The following CHM variants were observed in gnomAD, a reference collection of about 807,000 sequenced individuals.
CHM encodes the protein rab proteins geranylgeranyltransferase component A 1.
CHM carries 10 observed loss-of-function variants against 49.0 expected under a neutral mutation model. That is an observed-to-expected ratio of 0.20 (90% CI 0.13 to 0.35). The LOEUF is 0.35. Among genes scored for constraint, CHM ranks in the 10% least tolerant of loss-of-function variants. The probability of loss-of-function intolerance (pLI) is 1.00; values close to 1 mark genes in which losing one functional copy is unlikely to be tolerated. For synonymous variants in CHM, 184 were observed against 167.5 expected (o/e 1.10, Z -0.76); for missense variants, 455 against 478.4 (o/e 0.95, Z 0.46).
At chrX:86,031,523 G>A (rs1934044332) in intron 1 of CHM, among the ~76,000 whole-genome samples, 1 of 112,084 alleles carries the variant, frequency 8.9e-6, no homozygotes, top group Non-Finnish European at 1.9e-5. Flanking sequence ...TATAAAACTG[G>A]AGCTTTATGC....
chrX:85,900,193 A>C (rs1321205615), intron 11 of CHM, among the ~76,000 whole-genome samples: 1 of 111,895 alleles, frequency 8.9e-6, no homozygotes, highest in East Asian at 2.8e-4. Flanking sequence ...TTAAAAAAGA[A>C]GAAAGTCCTA....
chrX:85,919,104 A>G (rs1927630401), intron 8 of CHM, among the ~76,000 whole-genome samples: 1 of 112,296 alleles, frequency 8.9e-6, no homozygotes, highest in Non-Finnish European at 1.9e-5. Context: ...AAGCATATAC[A>G]CACAGAAAAA....
intron 1 of CHM, 64 bp downstream of exon 1, chrX:86,047,420 C>T (rs1316022076): frequency 9.4e-7 from 1 of 1,064,387 alleles, no homozygotes; most frequent in Non-Finnish European, 1.3e-6. Flanking sequence ...TCGCCACTGA[C>T]AGAAAAAACA....
At position 85,900,416 on chromosome X, in the gene CHM, A is replaced by G. The variant is rs752835064; in HGVS notation, c.1413+230T>C. ...ACAAACTTTCAGTTACACAAAAAGA[A>G]TAAGTTTTAGAGATCTAATGTACAG... On this transcript the variant is annotated intron_variant, in intron 11 of 14. Coordinates refer to ENST00000357749, the MANE Select transcript of CHM (RefSeq NM_000390.4). 9.9e-4 allele frequency among the ~76,000 whole-genome samples: 110 copies of G among 111,643 alleles called. 1 individual carries two copies. Among genetic ancestry groups the G allele is most frequent in the South Asian group, 1.5e-3 (4 of 2,676 alleles).
In CHM at chrX:85,862,193, G is replaced by C. The variant is rs1923388234; in HGVS notation, c.*2437C>G. The C allele has an allele frequency of 8.9e-6, 1 of 112,009 alleles. No homozygotes were observed. The highest frequency in any genetic ancestry group is 3.2e-5 in the African/African-American group (1 of 30,803). 9.2% of individuals were successfully genotyped at this position (112,009 alleles called of 1,213,427 possible). ...AATGGATGAAACAGGGTACAATAATGGACCACAAACTATCTCCTCCATTGT... is the reference window on the plus strand; with the variant it reads ...AATGGATGAAACAGGGTACAATAATCGACCACAAACTATCTCCTCCATTGT... On this transcript the variant is annotated 3_prime_UTR_variant, in exon 15 of 15. Transcript: ENST00000357749.
At chrX:85,960,699 T>A (rs1429378027) in intron 5 of CHM, among the ~76,000 whole-genome samples, 3 of 111,335 alleles carry the variant, frequency 2.7e-5, no homozygotes, top group Non-Finnish European at 5.6e-5. Flanking sequence ...GTGCTGGGAT[T>A]ACAGGACTGA....
rs184243213 is a variant in CHM, at chrX:85,997,522, C to T, written c.117-15713G>A. On this transcript the variant is annotated intron_variant, in intron 2 of 14. Coordinates refer to ENST00000357749, the MANE Select transcript of CHM (RefSeq NM_000390.4). ...TAGCCAACAATGACATGTAGGAAAA[C>T]GGATGCCAATACAATGTCAAGTCAA... Among the ~76,000 whole-genome samples the T allele has an allele frequency of 1.3e-4, 15 of 111,303 alleles. No homozygotes were observed. The Middle Eastern group carries it at 0.014, about 104-fold the overall frequency.
intron 11 of CHM, among the ~76,000 whole-genome samples, chrX:85,897,189 T>G (rs1290738173): frequency 1.0e-5 from 1 of 98,190 alleles, no homozygotes; most frequent in East Asian, 3.1e-4. Flanking sequence ...ATATATACTA[T>G]ATATTATAAA....
chrX:85,972,585 G>A (rs1014445346), intron 4 of CHM, among the ~76,000 whole-genome samples: 2 of 113,113 alleles, frequency 1.8e-5, no homozygotes, highest in African/African-American at 3.2e-5. Context: ...TACACCCTCC[G>A]CAGCCACTGG....
intron 8 of CHM, among the ~76,000 whole-genome samples, chrX:85,919,048 T>C (rs1871912292): frequency 8.9e-6 from 1 of 112,055 alleles, no homozygotes. Context: ...AATATTCTTA[T>C]CTGCACATAG....
At chrX:85,882,684 C>T (rs762216313) in intron 12 of CHM, among the ~76,000 whole-genome samples, 52 of 111,510 alleles carry the variant, frequency 4.7e-4, no homozygotes, top group Non-Finnish European at 1.7e-4. Flanking sequence ...TGAGAAGTAA[C>T]AACACAAAAC....
At chrX:85,976,865 AACACACACAAAC>A (rs745505824) in intron 4 of CHM, among the ~76,000 whole-genome samples, 2,307 of 71,098 alleles carry the variant, frequency 0.032, 33 homozygotes, top group Non-Finnish European at 0.049. Context: ...CTAGGGGGAA[AACACACACAAAC>A]ACACACACAC....
At chrX:85,968,885 G>A (rs909165804) in intron 4 of CHM, among the ~76,000 whole-genome samples, 2 of 111,534 alleles carry the variant, frequency 1.8e-5, no homozygotes, top group African/African-American at 6.5e-5. Flanking sequence ...CATTTAGTTG[G>A]GCAGTGTTTC....
chrX:85,889,857 T>C, intron 12 of CHM, among the ~76,000 whole-genome samples: 1 of 112,210 alleles, frequency 8.9e-6, no homozygotes, highest in South Asian at 3.7e-4. Flanking sequence ...CAGCATGGGA[T>C]ACTATGCAGC....
intron 12 of CHM, among the ~76,000 whole-genome samples, chrX:85,885,438 AT>A (rs1465224578): frequency 9.1e-6 from 1 of 110,393 alleles, no homozygotes; most frequent in Non-Finnish European, 1.9e-5. Context: ...AATTCCCATA[AT>A]TTCTCTAAAA....
chrX:85,908,078 A>G (rs930055413), intron 9 of CHM, among the ~76,000 whole-genome samples: 3 of 111,945 alleles, frequency 2.7e-5, no homozygotes, highest in African/African-American at 9.7e-5. Flanking sequence ...CAAGTGTTCC[A>G]TATAGAAAAC....
chrX:86,011,117 C>G (rs1221610698), intron 2 of CHM, among the ~76,000 whole-genome samples: 2 of 111,680 alleles, frequency 1.8e-5, no homozygotes, highest in Non-Finnish European at 3.8e-5. Context: ...ATATTCCAGG[C>G]ACTCTTAGGC....
intron 2 of CHM, among the ~76,000 whole-genome samples, chrX:86,014,491 G>T (rs750344406): frequency 1.3e-4 from 15 of 112,402 alleles, no homozygotes; most frequent in Non-Finnish European, 2.1e-4. Flanking sequence ...GAAGCCAGAG[G>T]ACAAAGTGCT....
At chrX:85,978,654 T>C (rs1931419003) in intron 4 of CHM, 113 bp downstream of exon 4, 1 of 755,462 alleles carries the variant, frequency 1.3e-6, no homozygotes. Context: ...AAAACCAGCA[T>C]ATTAACGTGA....
Sources: allele counts gnomAD v4.1 joint callset (sites outside exome capture counted in the v4.1 genomes callset), GRCh38; gene constraint gnomAD v4.1.1; transcripts MANE v1.5; gene names NCBI Gene and HGNC (gene_info 2026-07-23, HGNC 2026-07-21).